CTIF: variants seen among roughly 807,000 people sequenced by gnomAD.
CTIF encodes CBP80/20-dependent translation initiation factor.
In CTIF, 21 loss-of-function variants were observed where a neutral mutation model predicts 66.0. That is an observed-to-expected ratio of 0.32 (90% CI 0.23 to 0.46). CTIF has a LOEUF of 0.46. CTIF is among the 20% of genes least tolerant of loss of function. CTIF has a pLI of 1.00. For missense variants in CTIF, 739 were observed against 812.7 expected (o/e 0.91, Z 1.10); for synonymous variants, 345 against 326.4 (o/e 1.06, Z -0.62).
intron 6 of CTIF, among the ~76,000 whole-genome samples, chr18:48,677,955 T>A (rs1256777679): frequency 6.6e-6 from 1 of 152,186 alleles, no homozygotes; most frequent in African/African-American, 2.4e-5. Context: ...GGGAAATGTT[T>A]ATTCTATTAT....
intron 2 of CTIF, among the ~76,000 whole-genome samples, chr18:48,624,523 G>A (rs1244868269): frequency 1.3e-5 from 2 of 152,220 alleles, no homozygotes; most frequent in Admixed American, 1.3e-4. Context: ...GATGTTGTAA[G>A]TGGGGAAAAT....
chr18:48,822,129 C>T (rs1337043986), intron 10 of CTIF, among the ~76,000 whole-genome samples: 2 of 152,136 alleles, frequency 1.3e-5, no homozygotes, highest in Non-Finnish European at 2.9e-5. Flanking sequence ...AGAGTTCATC[C>T]ATGTTGTTGT....
chr18:48,608,450 C>T (rs552998105), intron 1 of CTIF, among the ~76,000 whole-genome samples: 1 of 152,058 alleles, frequency 6.6e-6, no homozygotes, highest in African/African-American at 2.4e-5. Flanking sequence ...TGTGACTGTG[C>T]TCCTTGCAGG....
At chr18:48,582,012 G>A (rs1440362700) in intron 1 of CTIF, among the ~76,000 whole-genome samples, 2 of 152,058 alleles carry the variant, frequency 1.3e-5, no homozygotes, top group East Asian at 3.9e-4. Context: ...GACCCTTATT[G>A]GACAGGGAGG....
intron 9 of CTIF, among the ~76,000 whole-genome samples, chr18:48,776,980 G>A (rs559799122): frequency 1.3e-5 from 2 of 152,352 alleles, no homozygotes; most frequent in South Asian, 4.1e-4. Context: ...CATAAAACAT[G>A]GAGAGGTTAG....
chr18:48,577,149 C>G (rs1049481131), intron 1 of CTIF, among the ~76,000 whole-genome samples: 1 of 152,232 alleles, frequency 6.6e-6, no homozygotes, highest in Non-Finnish European at 1.5e-5. Flanking sequence ...CAAATGCTGC[C>G]TCATCCACCT....
intron 1 of CTIF, among the ~76,000 whole-genome samples, chr18:48,606,230 C>G (rs980279170): frequency 6.6e-6 from 1 of 152,236 alleles, no homozygotes; most frequent in Non-Finnish European, 1.5e-5. Context: ...AGCTCCTACC[C>G]TATCTCAGCT....
intron 1 of CTIF, among the ~76,000 whole-genome samples, chr18:48,561,610 C>T (rs1300739353): frequency 6.6e-6 from 1 of 152,200 alleles, no homozygotes; most frequent in African/African-American, 2.4e-5. Flanking sequence ...TTTCAGGAAG[C>T]CCAAAGTATC....
chr18:48,661,486 G>A (rs755522125), intron 3 of CTIF, among the ~76,000 whole-genome samples: 4 of 152,052 alleles, frequency 2.6e-5, no homozygotes, highest in East Asian at 3.9e-4. Context: ...TGAACAAGCC[G>A]GTCAACATCT....
chr18:48,612,164 C>G (rs931553763), intron 1 of CTIF, among the ~76,000 whole-genome samples: 1 of 152,222 alleles, frequency 6.6e-6, no homozygotes, highest in Non-Finnish European at 1.5e-5. Flanking sequence ...AATTATCAGG[C>G]CAGAGCTTGA....
chr18:48,553,717 G>A (rs1342833392), intron 1 of CTIF, among the ~76,000 whole-genome samples: 2 of 150,642 alleles, frequency 1.3e-5, no homozygotes, highest in Non-Finnish European at 3.0e-5. Context: ...GTGCAGTGGC[G>A]TGATCTCAGC....
At chr18:48,766,579 C>T (rs1470754496) in intron 9 of CTIF, among the ~76,000 whole-genome samples, 1 of 152,228 alleles carries the variant, frequency 6.6e-6, no homozygotes, top group Non-Finnish European at 1.5e-5. Flanking sequence ...CCTGGGCATT[C>T]GTTAGCCAGG....
chr18:48,849,492 T>G lies in CTIF; in HGVS notation c.1528-8096T>G, dbSNP rs560462916. On this transcript the variant is annotated intron_variant, in intron 10 of 11. Transcript: ENST00000256413. ...GGATTACAGGCATGAGCCACCCCGC[T>G]CAGCCTGCCATTTTTTTAAAAACCA... Among the ~76,000 whole-genome samples, 10 of 151,362 alleles carry G rather than the reference T, an allele frequency of 6.6e-5. No individual in the cohort carries two copies. In the East Asian group the frequency reaches 1.8e-3, roughly 27 times the overall value.
chr18:48,743,175 G>C, intron 7 of CTIF, among the ~76,000 whole-genome samples: 1 of 152,182 alleles, frequency 6.6e-6, no homozygotes, highest in Non-Finnish European at 1.5e-5. Flanking sequence ...CATCTGGTCA[G>C]AGTTCTCGTG....
intron 3 of CTIF, among the ~76,000 whole-genome samples, chr18:48,643,368 C>T (rs990648271): frequency 3.9e-5 from 6 of 152,100 alleles, no homozygotes; most frequent in African/African-American, 1.4e-4. Context: ...TGGGATTGGA[C>T]CAAAAGGGCA....
At chr18:48,603,098 G>A (rs1258266234) in intron 1 of CTIF, among the ~76,000 whole-genome samples, 1 of 150,556 alleles carries the variant, frequency 6.6e-6, no homozygotes, top group Non-Finnish European at 1.5e-5. Context: ...TGGCTAGATG[G>A]GTGGGTGGGT....
chr18:48,805,449 T>G (rs1480530726), intron 9 of CTIF, among the ~76,000 whole-genome samples: 1 of 151,732 alleles, frequency 6.6e-6, no homozygotes, highest in Non-Finnish European at 1.5e-5. Flanking sequence ...GCAACTAGCC[T>G]CAGCAAAGCC....
intron 5 of CTIF, among the ~76,000 whole-genome samples, chr18:48,668,464 G>A (rs565611496): frequency 6.6e-6 from 1 of 152,306 alleles, no homozygotes; most frequent in Admixed American, 6.5e-5. Context: ...GATGTTCCGG[G>A]CCTTTCTCCA....
At chr18:48,857,707 TAGGGGCACG>T in intron 11 of CTIF, 66 bp downstream of exon 11, 1 of 1,456,060 alleles carries the variant, frequency 6.9e-7, no homozygotes, top group Non-Finnish European at 9.3e-7. Context: ...TTAACAGTTC[TAGGGGCACG>T]AGGGTTGTTG....
Sources: gnomAD v4.1 joint callset for allele counts (sites outside exome capture counted in the v4.1 genomes callset) on GRCh38, gnomAD v4.1.1 for gene constraint, MANE v1.5 for transcripts, NCBI Gene and HGNC (gene_info 2026-07-23, HGNC 2026-07-21) for gene names.